TINCR: variants seen among roughly 807,000 people sequenced by gnomAD.
TINCR encodes the protein TINCR ubiquitin domain containing.
chr19:5,560,104 T>A (rs949518610), downstream of TINCR: 8 of 152,102 alleles, frequency 5.3e-5, no homozygotes, highest in African/African-American at 1.9e-4. The surrounding 1 kb of genome is among the most constrained non-coding windows in gnomAD (Gnocchi z 4.5). Flanking sequence ...GCAAAGCAGC[T>A]CCAGCAGGTC....
At chr19:5,561,612 CT>C (rs938964935), downstream of TINCR, 2 of 152,224 alleles carry the variant, frequency 1.3e-5, no homozygotes, top group African/African-American at 4.8e-5. Context: ...TTTTTTCTTT[CT>C]TTTTTTTGAG....
At chr19:5,559,598 G>C (rs930846154), downstream of TINCR, 2 of 152,332 alleles carry the variant, frequency 1.3e-5, no homozygotes, top group African/African-American at 4.8e-5. Flanking sequence ...TCCTCCCAAA[G>C]TGCTGGGATT....
chr19:5,567,630 C>CCCCCG, intron 1 of TINCR, 35 bp downstream of exon 1: 1 of 330,374 alleles, frequency 3.0e-6, no homozygotes, highest in Non-Finnish European at 5.5e-6. Flanking sequence ...CCGGCCGCCG[C>CCCCCG]CCCCGCCCCA....
rs1028556948 is a variant in TINCR at position 5,562,892 on chromosome 19, T to G, written c.318A>C (p.Arg106Ser). The change falls in exon 2 of 2, where the codon AGA becomes AGC. Residue 106 changes from arginine (R) to serine (S), a missense_variant. Transcript: ENST00000646160. This position sits in a 1 kb window ranked among gnomAD's most constrained non-coding sequence, Gnocchi z 4.4. ...GTCTTGAACTCCTGGACTCAAGTGA[T>G]CTGCTTGCCTCAGCCTCCCAAAGTG... 5.3e-5 allele frequency: 8 copies of G among 152,322 alleles called. No individual in the cohort carries two copies. The highest frequency in any genetic ancestry group is 1.9e-4 in the African/African-American group (8 of 41,444). The allele number at this position is 152,322 out of a possible 1,614,324, so 9.4% of individuals were successfully genotyped here.
rs1030657502 is a variant in TINCR at position 5,565,030 on chromosome 19, C to T, written c.261-2081G>A. ...CTGTGAGCATTGAGTCAGGTCCCGTCCCTCCTCTGCCCACAGCCCTCTATG... is the reference window on the plus strand; with the variant it reads ...CTGTGAGCATTGAGTCAGGTCCCGTTCCTCCTCTGCCCACAGCCCTCTATG... On this transcript the variant is annotated intron_variant, in intron 1 of 1. Transcript: ENST00000646160. This position sits in a 1 kb window ranked among gnomAD's most constrained non-coding sequence, Gnocchi z 4.0. Among the ~76,000 whole-genome samples the T allele has an allele frequency of 3.9e-5, 6 of 152,142 alleles. No individual in the cohort carries two copies. Among genetic ancestry groups the T allele is most frequent in the Non-Finnish European group, 7.4e-5 (5 of 68,004 alleles).
chr19:5,567,569 C>A (rs1004691879), intron 1 of TINCR, 96 bp downstream of exon 1: 12 of 373,166 alleles, frequency 3.2e-5, no homozygotes, highest in Non-Finnish European at 5.2e-5. Context: ...GCAGTGCCGG[C>A]CCGGGAGGCC....
chr19:5,565,854 G>A lies in TINCR; in HGVS notation c.260+1811C>T, dbSNP rs867396686. On this transcript the variant is annotated intron_variant, in intron 1 of 1. Transcript: ENST00000646160. The surrounding 1 kb of genome is among the most constrained non-coding windows in gnomAD (Gnocchi z 4.0). Reference sequence around the variant, plus strand: ...ATCCAGGGTAATTCACATGGCCCCCGTCCCTCTCCTGTTCAATGCTTCCAA... The same window carrying A: ...ATCCAGGGTAATTCACATGGCCCCCATCCCTCTCCTGTTCAATGCTTCCAA... Among the ~76,000 whole-genome samples the A allele has an allele frequency of 2.0e-5, 3 of 152,130 alleles. No individual in the cohort carries two copies. Among genetic ancestry groups the A allele is most frequent in the South Asian group, 2.1e-4 (1 of 4,828 alleles).
downstream of TINCR, chr19:5,558,537 G>C (rs895505346): frequency 6.6e-6 from 1 of 152,334 alleles, no homozygotes; most frequent in African/African-American, 2.4e-5. Flanking sequence ...AAACAGACTG[G>C]GGGAGCAGGA....
chr19:5,566,915 C>T (rs182877343), intron 1 of TINCR, among the ~76,000 whole-genome samples: 38 of 149,924 alleles, frequency 2.5e-4, no homozygotes, highest in Admixed American at 1.1e-3. Flanking sequence ...GGGAGGAAAA[C>T]AGCAGAGAGA....
downstream of TINCR, chr19:5,560,573 C>G (rs1443045763): frequency 1.3e-5 from 2 of 152,380 alleles, no homozygotes; most frequent in Non-Finnish European, 2.9e-5. This position sits in a 1 kb window ranked among gnomAD's most constrained non-coding sequence, Gnocchi z 4.5. Context: ...CCACAACGCA[C>G]TCCCTGCAAT....
chr19:5,565,085 A>T lies in TINCR; in HGVS notation c.261-2136T>A, dbSNP rs972515016. Among the ~76,000 whole-genome samples, 2 of 152,060 alleles carry T rather than the reference A, an allele frequency of 1.3e-5. No homozygotes were observed. Among genetic ancestry groups the T allele is most frequent in the Non-Finnish European group, 2.9e-5 (2 of 68,004 alleles). On this transcript the variant is annotated intron_variant, in intron 1 of 1. Coordinates refer to ENST00000646160, the Ensembl canonical transcript of TINCR. The surrounding 1 kb of genome is among the most constrained non-coding windows in gnomAD (Gnocchi z 4.0). ...CCACCTCCCTCGGAGTCAAGGCCCAAGTCCTCCCTGCAGTCCGCAAGGCCC... is the reference window on the plus strand; with the variant it reads ...CCACCTCCCTCGGAGTCAAGGCCCATGTCCTCCCTGCAGTCCGCAAGGCCC...
rs1008405254 is a variant in TINCR, at chr19:5,563,499, G to A, written c.261-550C>T. On this transcript the variant is annotated intron_variant, in intron 1 of 1. Transcript: ENST00000646160. This position sits in a 1 kb window ranked among gnomAD's most constrained non-coding sequence, Gnocchi z 4.7. Reference sequence around the variant, plus strand: ...AATAATAACAACTGTTCCCACTAATGGAGCAGGGAGAAGGTTTAGTGATGA... The same window carrying A: ...AATAATAACAACTGTTCCCACTAATAGAGCAGGGAGAAGGTTTAGTGATGA... Among the ~76,000 whole-genome samples, 8 of 152,204 alleles carry A rather than the reference G, an allele frequency of 5.3e-5. No homozygotes were observed. The highest frequency in any genetic ancestry group is 1.2e-4 in the Non-Finnish European group (8 of 68,034).
intron 1 of TINCR, among the ~76,000 whole-genome samples, chr19:5,566,683 G>C (rs941753752): frequency 6.6e-6 from 1 of 151,038 alleles, no homozygotes; most frequent in Non-Finnish European, 1.5e-5. Flanking sequence ...CAGACACAGA[G>C]AAAAACAGAG....
chr19:5,565,373 C>T lies in TINCR; in HGVS notation c.260+2292G>A, dbSNP rs2052123155. On this transcript the variant is annotated intron_variant, in intron 1 of 1. Coordinates refer to ENST00000646160, the Ensembl canonical transcript of TINCR. The surrounding 1 kb of genome is among the most constrained non-coding windows in gnomAD (Gnocchi z 4.0). ...CCCTCTCCACCTTCCCTGCATCCCC[C>T]ACAGCGCCAATTGCGAGTTGACATT... 6.6e-6 allele frequency among the ~76,000 whole-genome samples: 1 copy of T among 152,184 alleles called. No homozygotes were observed. Among genetic ancestry groups the T allele is most frequent in the Non-Finnish European group, 1.5e-5 (1 of 68,036 alleles).
At chr19:5,567,445 G>A (rs1480774970) in intron 1 of TINCR, among the ~76,000 whole-genome samples, 2 of 152,214 alleles carry the variant, frequency 1.3e-5, no homozygotes, top group African/African-American at 4.8e-5. Flanking sequence ...CAGAAAAACA[G>A]CAGAGACAGA....
chr19:5,566,596 CAG>C (rs145448639), intron 1 of TINCR, among the ~76,000 whole-genome samples: 5 of 150,884 alleles, frequency 3.3e-5, no homozygotes, highest in East Asian at 2.0e-4. Flanking sequence ...CACAGAGAGA[CAG>C]AGAGAAAAAC....
At chr19:5,566,817 G>C (rs929240183) in intron 1 of TINCR, among the ~76,000 whole-genome samples, 5 of 151,580 alleles carry the variant, frequency 3.3e-5, no homozygotes, top group Non-Finnish European at 7.4e-5. Flanking sequence ...CACACACACA[G>C]AGGAAAAAAG....
intron 1 of TINCR, among the ~76,000 whole-genome samples, chr19:5,566,016 T>C (rs2052126609): frequency 6.6e-6 from 1 of 152,032 alleles, no homozygotes; most frequent in Admixed American, 6.6e-5. Flanking sequence ...TGCAGACCCC[T>C]CCTTGGGCCA....
rs552340333 is a variant in TINCR, at chr19:5,565,222, T to G, written c.261-2273A>C. Among the ~76,000 whole-genome samples, 1 of 151,976 alleles carries G rather than the reference T, an allele frequency of 6.6e-6. No individual in the cohort carries two copies. The highest frequency in any genetic ancestry group is 1.5e-5 in the Non-Finnish European group (1 of 67,956). On this transcript the variant is annotated intron_variant, in intron 1 of 1. Transcript: ENST00000646160. The surrounding 1 kb of genome is among the most constrained non-coding windows in gnomAD (Gnocchi z 4.0). ...CCAACATGCCAGGTGCAGTCCTGCC[T>G]CAGGGCCTTTGCACAGGCTGTTCCT... is the stretch of plus-strand genomic sequence containing the variant.
Sources: allele counts gnomAD v4.1 joint callset (sites outside exome capture counted in the v4.1 genomes callset), GRCh38; gene constraint gnomAD v4.1.1; non-coding constraint Gnocchi (gnomAD v3.1); transcripts MANE v1.5; gene names NCBI Gene and HGNC (gene_info 2026-07-23, HGNC 2026-07-21).